The following RTCB variants were observed in gnomAD, a reference collection of about 807,000 sequenced individuals.
RTCB encodes RNA-splicing ligase RTCB.
In RTCB, 32 loss-of-function variants were observed where a neutral mutation model predicts 58.2. The ratio of observed to expected loss-of-function variants is 0.55; its 90% CI spans 0.41 to 0.74. The LOEUF (loss-of-function observed/expected upper bound fraction) is 0.74. Ranked by LOEUF, RTCB falls within the 30% of genes least tolerant of loss-of-function variation. The probability of loss-of-function intolerance (pLI) is 0.00; values close to 1 mark genes in which losing one functional copy is unlikely to be tolerated. For synonymous variants in RTCB, 247 were observed against 218.6 expected (o/e 1.13, Z -1.15); for missense variants, 523 against 639.0 (o/e 0.82, Z 1.96).
At chr22:32,397,190 T>C (rs2145892222) in intron 7 of RTCB, among the ~76,000 whole-genome samples, 1 of 152,344 alleles carries the variant, frequency 6.6e-6, no homozygotes, top group South Asian at 2.1e-4. Flanking sequence ...TCTGCGTTCA[T>C]CCCGCTTCAT....
At chr22:32,395,991 T>A in intron 8 of RTCB, 83 bp downstream of exon 8, 1 of 1,397,204 alleles carries the variant, frequency 7.2e-7, no homozygotes, top group South Asian at 1.3e-5. Context: ...TGAGCCACCG[T>A]GTCCAGCCTG....
chr22:32,411,813 GTATT>G (rs1000393652), intron 1 of RTCB, among the ~76,000 whole-genome samples: 1 of 152,156 alleles, frequency 6.6e-6, no homozygotes, highest in South Asian at 2.1e-4. Flanking sequence ...CCCCAATTTC[GTATT>G]TATTTAGATT....
rs759312250 is a variant in RTCB, at chr22:32,398,039, T to C, written c.716A>G (p.Asn239Ser). 4.6e-5 allele frequency: 74 copies of C among 1,614,184 alleles called. No homozygotes were observed. Among genetic ancestry groups the C allele is most frequent in the Admixed American group, 2.7e-4 (16 of 60,020 alleles). Residue 239 changes from asparagine to serine, a missense_variant, in exon 7 of 12, where the codon AAT becomes AGT. This residue lies in a region of RTCB where 141 missense variants were observed against 216.7 expected (regional missense o/e 0.65). Transcript: ENST00000216038. ...AEIQVVDEIF[N>S]EYAAKKMGID... Reference sequence around the variant, plus strand: ...GCCCATTTTTTTAGCAGCATACTCATTGAAAATCTCATCCACAACCTGGAT... The same window carrying C: ...GCCCATTTTTTTAGCAGCATACTCACTGAAAATCTCATCCACAACCTGGAT...
intron 7 of RTCB, among the ~76,000 whole-genome samples, 193 bp from the exon 8 acceptor site, chr22:32,396,442 C>G (rs1429885405): frequency 1.3e-5 from 2 of 152,236 alleles, no homozygotes; most frequent in African/African-American, 2.4e-5. Flanking sequence ...TTTCAGAGTG[C>G]AGTGACAGTT....
rs1163495665 is a variant in RTCB, at chr22:32,408,238, A to G, written c.177T>C (p.Val59=). The stretch of plus-strand genomic sequence containing the variant: ...GTTTCATGGCTGGCAGGAAGCCACC[A>G]ACACCTGAAGACAAAAATTGGGTAT... The part of the protein sequence containing the change: ...ELRNACRGGG[V]GGFLPAMKQI... Residue 59 remains valine (V), a synonymous_variant, in exon 3 of 12, where the codon GTT becomes GTC. Transcript: ENST00000216038. 5 of 1,614,022 alleles carry G rather than the reference A, an allele frequency of 3.1e-6. 1 individual carries two copies. The South Asian group carries it at 5.5e-5, about 18-fold the overall frequency.
intron 1 of RTCB, among the ~76,000 whole-genome samples, chr22:32,410,059 G>T (rs556234141): frequency 5.3e-5 from 8 of 152,208 alleles, no homozygotes; most frequent in African/African-American, 1.9e-4. Flanking sequence ...CTCATGATCC[G>T]CCCATCTCAG....
rs755927372 is a variant in RTCB, at chr22:32,408,183, T to C, written c.232A>G (p.Ile78Val). The change falls in exon 3 of 12, where the codon ATT (isoleucine) becomes GTT (valine). Residue 78 changes from isoleucine to valine, a missense_variant. By Grantham distance (29) the Ile-to-Val change is conservative. Around this residue, in one of 3 missense-constraint regions of RTCB, gnomAD observed 134 missense variants for 129.9 expected, o/e 1.03. Coordinates refer to ENST00000216038, the MANE Select transcript of RTCB (RefSeq NM_014306.5). ...QIGNVAALPG[I>V]VHRSIGLPDV... is the part of the protein sequence containing the mutation. Reference sequence around the variant, plus strand: ...TCTGAACTCTGACTCACATGAACAATTCCAGGCAGGGCTGCCACATTGCCA... The same window carrying C: ...TCTGAACTCTGACTCACATGAACAACTCCAGGCAGGGCTGCCACATTGCCA... 1 of 1,614,118 alleles carries C rather than the reference T, an allele frequency of 6.2e-7. No homozygotes were observed. Among genetic ancestry groups the C allele is most frequent in the South Asian group, 1.1e-5 (1 of 91,076 alleles).
intron 6 of RTCB, 70 bp downstream of exon 6, chr22:32,399,533 G>T: frequency 1.4e-6 from 2 of 1,409,388 alleles, no homozygotes; most frequent in Non-Finnish European, 1.9e-6. Context: ...GTAAGATATA[G>T]ATTTTTTTCC....
intron 4 of RTCB, among the ~76,000 whole-genome samples, chr22:32,404,371 T>G (rs1036097567): frequency 3.9e-5 from 6 of 152,224 alleles, no homozygotes; most frequent in Admixed American, 6.5e-5. Context: ...TTCCATAGTT[T>G]TGTTTTTGAC....
rs967659586 is a variant in RTCB at position 32,387,755 on chromosome 22, G to A, written c.*237C>T. 5 of 450,782 alleles carry A rather than the reference G, an allele frequency of 1.1e-5. No individual in the cohort carries two copies. Among genetic ancestry groups the A allele is most frequent in the Non-Finnish European group, 2.0e-5 (5 of 247,686 alleles). 27.9% of individuals were successfully genotyped at this position (450,782 alleles called of 1,614,324 possible). A position where few individuals can be genotyped will look rare whatever the true frequency, so the allele number is the denominator to read the frequency against. Reference sequence around the variant, plus strand: ...TCCTAAAACTCTGTGGAACAACCAAGGAGAAGGCATATTCCTCCCTTTCCA... The same window carrying A: ...TCCTAAAACTCTGTGGAACAACCAAAGAGAAGGCATATTCCTCCCTTTCCA... On this transcript the variant is annotated 3_prime_UTR_variant, in exon 12 of 12. Coordinates refer to ENST00000216038, the MANE Select transcript of RTCB (RefSeq NM_014306.5).
At chr22:32,391,512 C>T (rs539392465) in intron 11 of RTCB, among the ~76,000 whole-genome samples, 9 of 151,144 alleles carry the variant, frequency 6.0e-5, no homozygotes, top group South Asian at 2.1e-4. Flanking sequence ...TTTCCTGTCT[C>T]GGCCTCCTGA....
intron 6 of RTCB, among the ~76,000 whole-genome samples, chr22:32,398,520 T>C (rs114055453): frequency 0.035 from 5,255 of 152,152 alleles, 284 homozygotes; most frequent in African/African-American, 0.12. Flanking sequence ...GCTTAAAACC[T>C]AGATGATGGA....
At chr22:32,394,499 G>A (rs763900882) in intron 9 of RTCB, among the ~76,000 whole-genome samples, 59 of 152,134 alleles carry the variant, frequency 3.9e-4, no homozygotes, top group Non-Finnish European at 7.1e-4. Context: ...GAAGGAAGAG[G>A]ACGAGAGTGA....
At chr22:32,394,649 G>A (rs1933213493) in intron 9 of RTCB, among the ~76,000 whole-genome samples, 1 of 152,098 alleles carries the variant, frequency 6.6e-6, no homozygotes, top group Admixed American at 6.6e-5. Flanking sequence ...TCTGTAAAAG[G>A]AGCAAGCAGA....
At position 32,392,335 on chromosome 22, in the gene RTCB, A is replaced by C. The variant is rs1933166420; in HGVS notation, c.1315T>G (p.Ser439Ala). The C allele has an allele frequency of 1.2e-6, 2 of 1,613,964 alleles. No individual in the cohort carries two copies. Among genetic ancestry groups the C allele is most frequent in the Admixed American group, 1.7e-5 (1 of 59,980 alleles). The part of the protein sequence containing the change: ...GAGRALSRAK[S>A]RRNLDFQDVL... ...TCCTGGAAATCTAAATTACGTCGAG[A>C]TTTTGCTCGGGACAATGCACGGCCC... The change falls in exon 11 of 12, where the codon TCT becomes GCT. Residue 439 changes from serine (S) to alanine (A), a missense_variant. Physicochemically the swap from Ser to Ala is moderately conservative, Grantham distance 99 (BLOSUM62 1). Transcript: ENST00000216038.
chr22:32,398,410 C>T (rs1480460880), intron 6 of RTCB, among the ~76,000 whole-genome samples: 1 of 151,968 alleles, frequency 6.6e-6, no homozygotes, highest in African/African-American at 2.4e-5. Flanking sequence ...ACAATGAGAA[C>T]ACATGGACAC....
At chr22:32,392,177 G>C (rs1367664626) in intron 11 of RTCB, 63 bp downstream of exon 11, 1 of 1,548,554 alleles carries the variant, frequency 6.5e-7, no homozygotes, top group African/African-American at 1.4e-5. Context: ...TGTCTCTGTA[G>C]ACTGGAACAA....
In RTCB at chr22:32,392,292, GC is replaced by G. The variant is rs760264578; in HGVS notation, c.1357del (p.Ala453GlnfsTer26). 2 of 1,613,896 alleles carry G rather than the reference GC, an allele frequency of 1.2e-6. No homozygotes were observed. The highest frequency in any genetic ancestry group is 1.7e-6 in the Non-Finnish European group (2 of 1,179,968). On this transcript the variant is annotated frameshift_variant, in exon 11 of 12. Coordinates refer to ENST00000216038, the MANE Select transcript of RTCB (RefSeq NM_014306.5). LOFTEE classifies it high-confidence loss of function. ...LDFQDVLDKL[A>X]DMGIAIRVAS... is the part of the protein sequence containing the mutation. ...AACACGGATCGCAATTCCCATATCTGCCAATTTGTCTAAGACATCCTGGAAA... is the reference window on the plus strand; with the variant it reads ...AACACGGATCGCAATTCCCATATCTGCAATTTGTCTAAGACATCCTGGAAA...
In RTCB at chr22:32,406,723, C is replaced by G; in HGVS notation, c.279G>C (p.Gly93=). The part of the protein sequence containing the change: ...IGLPDVHSGY[G]FAIGNMAAFD... ...AGGCTGCCATGTTCCCAATAGCAAA[C>G]CCATATCCTGAATGGACATCAGGAA... The change falls in exon 4 of 12, where the codon GGG becomes GGC. Residue 93 remains glycine, a synonymous_variant. Coordinates refer to ENST00000216038, the MANE Select transcript of RTCB (RefSeq NM_014306.5). The G allele has an allele frequency of 6.2e-7, 1 of 1,612,728 alleles. No individual in the cohort carries two copies. Among genetic ancestry groups the G allele is most frequent in the Non-Finnish European group, 8.5e-7 (1 of 1,178,934 alleles).
Sources: gnomAD v4.1 joint callset for allele counts (sites outside exome capture counted in the v4.1 genomes callset) on GRCh38, gnomAD v4.1.1 for gene constraint, gnomAD v4.1.1 regional missense constraint, MANE v1.5 for transcripts, NCBI Gene and HGNC (gene_info 2026-07-23, HGNC 2026-07-21) for gene names.